WIPF2: variants seen among roughly 807,000 people sequenced by gnomAD.
WIPF2 encodes the protein WAS/WASL interacting protein family member 2, also known as WAS/WASL-interacting protein family member 2.
In WIPF2, 23 loss-of-function variants were observed where a neutral mutation model predicts 38.8. That is an observed-to-expected ratio of 0.59 (90% CI 0.43 to 0.84). The LOEUF (loss-of-function observed/expected upper bound fraction) is 0.84. Among genes scored for constraint, WIPF2 ranks in the 40% least tolerant of loss-of-function variants. WIPF2 has a pLI of 0.00. For missense variants in WIPF2, 574 were observed against 580.5 expected, an observed-to-expected ratio of 0.99 and a Z score of 0.11; for synonymous variants, 210 against 223.2, an observed-to-expected ratio of 0.94 and a Z score of 0.53.
At chr17:40,230,073 C>T (rs1598467151) in intron 1 of WIPF2, among the ~76,000 whole-genome samples, 1 of 152,136 alleles carries the variant, frequency 6.6e-6, no homozygotes, top group Non-Finnish European at 1.5e-5. Context: ...CATGGTGGCT[C>T]ATGCCTGTAA....
At chr17:40,258,228 T>C (rs947191598) in intron 2 of WIPF2, among the ~76,000 whole-genome samples, 7 of 152,130 alleles carry the variant, frequency 4.6e-5, no homozygotes, top group African/African-American at 1.7e-4. Flanking sequence ...TGAAACCCCA[T>C]CTCTACTATA....
chr17:40,259,254 G>T (rs1284936800), intron 2 of WIPF2, among the ~76,000 whole-genome samples: 1 of 151,342 alleles, frequency 6.6e-6, no homozygotes, highest in Non-Finnish European at 1.5e-5. Context: ...AGATGCAGCT[G>T]GAGATGTAAG....
chr17:40,219,549 T>A, intron 1 of WIPF2, 57 bp downstream of exon 1: 1 of 63,806 alleles, frequency 1.6e-5, no homozygotes. Context: ...CGGACCTGAG[T>A]GGGAGGGAAA....
chr17:40,222,587 T>TGTGTGTGTGTGTGTGTGTGTG (rs1027492144), intron 1 of WIPF2, among the ~76,000 whole-genome samples: 10 of 146,326 alleles, frequency 6.8e-5, no homozygotes, highest in African/African-American at 2.5e-4. Flanking sequence ...GTGTGTGTGT[T>TGTGTGTGTGTGTGTGTGTGTG]TGTGTGTGTG....
intron 1 of WIPF2, among the ~76,000 whole-genome samples, chr17:40,226,205 AAAAT>A (rs1439178919): frequency 1.8e-3 from 269 of 148,056 alleles, no homozygotes; most frequent in African/African-American, 6.4e-3. Context: ...AAAAAAAAAA[AAAAT>A]TTTTTTTTTT....
At chr17:40,257,897 A>C (rs2145366886) in intron 2 of WIPF2, among the ~76,000 whole-genome samples, 1 of 152,220 alleles carries the variant, frequency 6.6e-6, no homozygotes, top group East Asian at 1.9e-4. Context: ...TGTGTATGTT[A>C]AGTGTTTAAC....
rs1184912474 is a variant in WIPF2 at position 40,282,862 on chromosome 17, TCTC to T, written c.*4644_*4646del. ...CATCTATAGCTTTCTGAGGGTCTTC[TCTC>T]CTCCTCTCCAGCTGTATTTTGAAAA... On this transcript the variant is annotated 3_prime_UTR_variant, in exon 8 of 8. Transcript: ENST00000323571. 1 of 152,070 alleles carries T rather than the reference TCTC, an allele frequency of 6.6e-6. No individual in the cohort carries two copies. The highest frequency in any genetic ancestry group is 1.5e-5 in the Non-Finnish European group (1 of 68,050). The allele number at this position is 152,070 out of a possible 1,614,324, so 9.4% of individuals were successfully genotyped here.
chr17:40,273,524 G>A, intron 5 of WIPF2: 1 of 447,910 alleles, frequency 2.2e-6, no homozygotes, highest in African/African-American at 2.1e-5. Context: ...AATTAGAATT[G>A]TGGAGGAAGG....
intron 1 of WIPF2, among the ~76,000 whole-genome samples, chr17:40,230,967 C>T (rs556044969): frequency 6.6e-6 from 1 of 152,122 alleles, no homozygotes. Context: ...TTTTTATCTG[C>T]AAGTGTATTG....
intron 2 of WIPF2, among the ~76,000 whole-genome samples, chr17:40,257,548 C>T (rs940471110): frequency 1.3e-5 from 2 of 151,848 alleles, no homozygotes; most frequent in Non-Finnish European, 2.9e-5. Context: ...CGCGATGGCT[C>T]ACGCCTGTAA....
At chr17:40,228,568 T>G (rs909144897) in intron 1 of WIPF2, among the ~76,000 whole-genome samples, 7 of 151,588 alleles carry the variant, frequency 4.6e-5, no homozygotes, top group Non-Finnish European at 1.0e-4. Context: ...GAGTTCCTAC[T>G]GTGTGCCAAG....
chr17:40,247,853 A>C (rs1437227687), intron 1 of WIPF2, among the ~76,000 whole-genome samples: 2 of 152,154 alleles, frequency 1.3e-5, no homozygotes, highest in Non-Finnish European at 2.9e-5. Context: ...CTAATGGGCC[A>C]CCATAGGGTT....
At chr17:40,234,145 G>T (rs990627974) in intron 1 of WIPF2, among the ~76,000 whole-genome samples, 3 of 151,956 alleles carry the variant, frequency 2.0e-5, no homozygotes, top group Admixed American at 1.3e-4. Flanking sequence ...GAGGCAGGCA[G>T]ATCACAAGGT....
chr17:40,258,520 A>T (rs1321187087), intron 2 of WIPF2, among the ~76,000 whole-genome samples: 1 of 152,034 alleles, frequency 6.6e-6, no homozygotes, highest in Non-Finnish European at 1.5e-5. Context: ...TGAACCAGGG[A>T]GTCAGGGTTG....
At position 40,251,610 on chromosome 17, in the gene WIPF2, A is replaced by G. The variant is rs1438913185; in HGVS notation, c.-69-4781A>G. 2.6e-5 allele frequency among the ~76,000 whole-genome samples: 4 copies of G among 152,340 alleles called. 1 individual carries two copies. The highest frequency in any genetic ancestry group is 6.5e-5 in the Admixed American group (1 of 15,288). ...AAATTGCTAAACCACACTAATTTCC[A>G]GGGGAGTTTTTTGTTTGTTTTCTCC... On this transcript the variant is annotated intron_variant, in intron 1 of 7. Transcript: ENST00000323571.
At chr17:40,266,008 A>G (rs1472853667) in intron 5 of WIPF2, among the ~76,000 whole-genome samples, 2 of 152,238 alleles carry the variant, frequency 1.3e-5, no homozygotes, top group Middle Eastern at 3.4e-3. Context: ...TGAATTGGTA[A>G]TTGGCTATCA....
At chr17:40,278,052 CAAT>C (rs2032460124) in intron 7 of WIPF2, 130 bp from the exon 8 acceptor site, 1 of 1,095,782 alleles carries the variant, frequency 9.1e-7, no homozygotes, top group Non-Finnish European at 1.3e-6. Context: ...TTAGGCAAAA[CAAT>C]AATAACACGT....
intron 1 of WIPF2, among the ~76,000 whole-genome samples, chr17:40,227,228 A>G (rs1304814009): frequency 6.8e-6 from 1 of 146,988 alleles, no homozygotes; most frequent in Non-Finnish European, 1.5e-5. Context: ...TTTAGTAGAG[A>G]CGGGGTTTCA....
chr17:40,260,555 G>A lies in WIPF2; in HGVS notation c.84G>A (p.Lys28=). The A allele has an allele frequency of 6.2e-7, 1 of 1,613,902 alleles. No individual in the cohort carries two copies. Among genetic ancestry groups the A allele is most frequent in the South Asian group, 1.1e-5 (1 of 91,074 alleles). Residue 28 remains lysine (K), a synonymous_variant, in exon 3 of 8, where the codon AAG becomes AAA. Transcript: ENST00000323571. ...TCCAGGCAAACACAGAGCAGCCCAA[G>A]CTGAGTAGAGATGAGCAGCGGGGTC... ...TFHQANTEQP[K]LSRDEQRGRG...
Sources: allele counts gnomAD v4.1 joint callset (sites outside exome capture counted in the v4.1 genomes callset), GRCh38; gene constraint gnomAD v4.1.1; transcripts MANE v1.5; gene names NCBI Gene and HGNC (gene_info 2026-07-23, HGNC 2026-07-21).